Variants in ATG2A observed in about 807,000 individuals in gnomAD.
ATG2A encodes autophagy related 2A, also known as autophagy-related protein 2 homolog A.
ATG2A carries 103 observed loss-of-function variants against 214.2 expected under a neutral mutation model. That is an observed-to-expected ratio of 0.48 (90% CI 0.41 to 0.57). The LOEUF (loss-of-function observed/expected upper bound fraction) is 0.57. ATG2A is among the 20% of genes least tolerant of loss of function. The pLI is 0.00. For synonymous variants in ATG2A, 1,160 were observed against 1,142.1 expected (o/e 1.02, Z -0.32); for missense variants, 2,312 against 2,613.2 (o/e 0.88, Z 2.51).
rs1460134566 is a variant in ATG2A, at chr11:64,911,986, T to C, written c.1088-4A>G. 2 of 1,613,608 alleles carry C rather than the reference T, an allele frequency of 1.2e-6. No individual in the cohort carries two copies. Among genetic ancestry groups the C allele is most frequent in the Non-Finnish European group, 1.7e-6 (2 of 1,179,834 alleles). On this transcript the variant is annotated splice_region_variant and splice_polypyrimidine_tract_variant and intron_variant, in intron 8 of 40. Transcript: ENST00000377264. ...CCAGCCATGGAGAAGAAGAGGTCTGTGGGTGAAGTGAGGAGTGTCAGGGAC... is the reference window on the plus strand; with the variant it reads ...CCAGCCATGGAGAAGAAGAGGTCTGCGGGTGAAGTGAGGAGTGTCAGGGAC...
At chr11:64,906,988 T>A (rs777589819) in intron 19 of ATG2A, among the ~76,000 whole-genome samples, 173 bp from the exon 20 acceptor site, 5 of 152,148 alleles carry the variant, frequency 3.3e-5, no homozygotes, top group Non-Finnish European at 7.3e-5. Context: ...AGAAAAATAA[T>A]CTCTGCCGGG....
chr11:64,902,486 G>A, intron 27 of ATG2A, 30 bp downstream of exon 27: 1 of 1,537,274 alleles, frequency 6.5e-7, no homozygotes, highest in Non-Finnish European at 8.8e-7. Context: ...CCGAGCTCTG[G>A]TAGCCTGTGT....
chr11:64,905,610 G>A lies in ATG2A; in HGVS notation c.3417C>T (p.Phe1139=). ...PVRVLITAET[F]TLSSNIIMDT... ...CCATGATGATGTTGCTGGAGAGAGTGAAGGTCTCCGCGGTGATGAGGACAC... is the reference window on the plus strand; with the variant it reads ...CCATGATGATGTTGCTGGAGAGAGTAAAGGTCTCCGCGGTGATGAGGACAC... Residue 1139 remains phenylalanine (F), a synonymous_variant, in exon 24 of 41, where the codon TTC becomes TTT. Coordinates refer to ENST00000377264, the MANE Select transcript of ATG2A (RefSeq NM_015104.3). 1 of 1,613,716 alleles carries A rather than the reference G, an allele frequency of 6.2e-7. No individual in the cohort carries two copies. Among genetic ancestry groups the A allele is most frequent in the Non-Finnish European group, 8.5e-7 (1 of 1,179,872 alleles).
rs1438804909 is a variant in ATG2A at position 64,907,608 on chromosome 11, G to A, written c.2564C>T (p.Pro855Leu). Residue 855 changes from proline to leucine, a missense_variant, in exon 18 of 41, where the codon CCC becomes CTC. By Grantham distance (98) the Pro-to-Leu change is moderately conservative. Transcript: ENST00000377264. ...GGGGAAGCCCGAGGGCTGGGCGGCG[G>A]GGTCGGGGGTGGGAAGCAGATCTGC... ...EPADLLPTPD[P>L]AAQPSGFPGP... 8 of 1,595,600 alleles carry A rather than the reference G, an allele frequency of 5.0e-6. No individual in the cohort carries two copies. The highest frequency in any genetic ancestry group is 6.0e-6 in the Non-Finnish European group (7 of 1,170,438).
rs1466222171 is a variant in ATG2A, at chr11:64,905,734, C to T, written c.3371+8G>A. On this transcript the variant is annotated splice_region_variant and intron_variant, in intron 23 of 40. Transcript: ENST00000377264. ...CGTCCCCAGCCCCTGGCCCACCCAG[C>T]CTGGTACCTATAGTCCACAGAGCAG... is the stretch of plus-strand genomic sequence containing the variant. The T allele has an allele frequency of 6.2e-7, 1 of 1,613,942 alleles. No homozygotes were observed. Among genetic ancestry groups the T allele is most frequent in the South Asian group, 1.1e-5 (1 of 91,086 alleles).
intron 29 of ATG2A, 123 bp from the exon 30 acceptor site, chr11:64,901,215 G>T: frequency 1.0e-6 from 1 of 1,004,382 alleles, no homozygotes; most frequent in Non-Finnish European, 1.4e-6. Context: ...GTCGGGTCAT[G>T]TTCGGTCACC....
At chr11:64,912,578 C>T (rs184744334) in intron 6 of ATG2A, 155 bp from the exon 7 acceptor site, 3 of 614,810 alleles carry the variant, frequency 4.9e-6, no homozygotes, top group Non-Finnish European at 8.3e-6. Flanking sequence ...ACAACTTGAC[C>T]TCTCAGCCTC....
chr11:64,906,106 C>G lies in ATG2A; in HGVS notation c.3264+7G>C. On this transcript the variant is annotated splice_region_variant and intron_variant, in intron 22 of 40. Transcript: ENST00000377264. ...GGGCCATGTGGCTTCCCACCACCCACGCTCACCTGGGAATGCCAGCTCTGC... is the reference window on the plus strand; with the variant it reads ...GGGCCATGTGGCTTCCCACCACCCAGGCTCACCTGGGAATGCCAGCTCTGC... 1 of 1,568,342 alleles carries G rather than the reference C, an allele frequency of 6.4e-7. No homozygotes were observed.
intron 1 of ATG2A, among the ~76,000 whole-genome samples, chr11:64,916,222 T>C (rs923601790): frequency 1.3e-5 from 2 of 152,106 alleles, no homozygotes; most frequent in African/African-American, 4.8e-5. Flanking sequence ...AGCATCTCCC[T>C]TGGCCTCCTC....
intron 8 of ATG2A, 29 bp from the exon 9 acceptor site, chr11:64,912,011 C>T (rs1279431582): frequency 1.2e-6 from 2 of 1,613,516 alleles, no homozygotes; most frequent in Non-Finnish European, 1.7e-6. Context: ...GTGTCAGGGA[C>T]AGCCGACCCC....
intron 6 of ATG2A, 170 bp from the exon 7 acceptor site, chr11:64,912,593 T>C (rs1275673116): frequency 5.1e-6 from 3 of 593,760 alleles, no homozygotes; most frequent in Admixed American, 3.3e-5. Context: ...AGCCTCAGTT[T>C]CTTTTTTTCT....
Position 64,897,384 on chromosome 11 carries a change from G to A in ATG2A, c.5150+28C>T, listed in dbSNP as rs1565738811. On this transcript the variant is annotated intron_variant, in intron 37 of 40. Coordinates refer to ENST00000377264, the MANE Select transcript of ATG2A (RefSeq NM_015104.3). ...AACAGAAGGAAGATCAGGGACCCTG[G>A]AGAGAGGCTGGGGTGCTGGGGACTC... 3 of 1,553,460 alleles carry A rather than the reference G, an allele frequency of 1.9e-6. No individual in the cohort carries two copies. In the Admixed American group the frequency reaches 5.9e-5, roughly 30 times the overall value.
intron 1 of ATG2A, 141 bp downstream of exon 1, chr11:64,916,824 T>A (rs1945005065): frequency 1.8e-6 from 2 of 1,133,670 alleles, no homozygotes; most frequent in Non-Finnish European, 2.4e-6. Flanking sequence ...CCGGGGTGCC[T>A]CTGACGCCTG....
intron 29 of ATG2A, 49 bp from the exon 30 acceptor site, chr11:64,901,141 A>G (rs925755742): frequency 2.0e-6 from 3 of 1,519,758 alleles, no homozygotes; most frequent in South Asian, 1.2e-5. Flanking sequence ...GATCCAGCCC[A>G]GCTGCCCCCA....
At position 64,906,203 on chromosome 11, in the gene ATG2A, G is replaced by A. The variant is rs759928388; in HGVS notation, c.3184-10C>T. 3.7e-6 allele frequency: 6 copies of A among 1,611,518 alleles called. No homozygotes were observed. The East Asian group carries it at 6.7e-5, about 18-fold the overall frequency. ...GTGTCACCAGGAACTCCTGAGGGTG[G>A]GGGCGCAGTCAGGGCAGTGGGGAGG... On this transcript the variant is annotated splice_polypyrimidine_tract_variant and intron_variant, in intron 21 of 40. Coordinates refer to ENST00000377264, the MANE Select transcript of ATG2A (RefSeq NM_015104.3).
rs971000010 is a variant in ATG2A, at chr11:64,913,430, T to C, written c.591-29A>G. On this transcript the variant is annotated intron_variant, in intron 4 of 40. Transcript: ENST00000377264. This position sits in a 1 kb window ranked among gnomAD's most constrained non-coding sequence, Gnocchi z 4.3. Reference sequence around the variant, plus strand: ...GAGAGTGTAGGGTCAGCCCGTGCCCTGGCCACCCCAGGCCTGGAGCCCCTC... The same window carrying C: ...GAGAGTGTAGGGTCAGCCCGTGCCCCGGCCACCCCAGGCCTGGAGCCCCTC... The C allele has an allele frequency of 1.9e-6, 3 of 1,539,960 alleles. No individual in the cohort carries two copies. In the Admixed American group the frequency reaches 5.6e-5, roughly 29 times the overall value.
Position 64,913,134 on chromosome 11 carries a change from T to C in ATG2A, c.729A>G (p.Glu243=). Residue 243 remains glutamate, a splice_region_variant and synonymous_variant, in exon 6 of 41, where the codon GAA becomes GAG. Coordinates refer to ENST00000377264, the MANE Select transcript of ATG2A (RefSeq NM_015104.3). This position sits in a 1 kb window ranked among gnomAD's most constrained non-coding sequence, Gnocchi z 4.3. ...RLHYEELPAQ[E]EPPEPPLQIG... ...TCTGCAAGGGGGGCTCTGGAGGCTC[T>C]TCCTGGGAGACGGGAGGATACAAGA... 3.8e-6 allele frequency: 6 copies of C among 1,584,018 alleles called. No homozygotes were observed. Among genetic ancestry groups the C allele is most frequent in the Non-Finnish European group, 5.2e-6 (6 of 1,161,932 alleles).
In ATG2A at chr11:64,917,061, T is replaced by C; in HGVS notation, c.75A>G (p.Leu25=). ...RVCRYLLHHY[L]GHFFQEHLSL... ...TGAGGTGCTCTTGGAAGAAGTGACC[T>C]AAGTAGTGGTGCAGCAAGTAGCGGC... The change falls in exon 1 of 41, where the codon TTA becomes TTG. Residue 25 remains leucine, a synonymous_variant. Transcript: ENST00000377264. 3.1e-6 allele frequency: 5 copies of C among 1,613,720 alleles called. No homozygotes were observed. Among genetic ancestry groups the C allele is most frequent in the Non-Finnish European group, 4.2e-6 (5 of 1,179,988 alleles).
rs771711635 is a variant in ATG2A, at chr11:64,916,936, C to T, written c.171+29G>A. ...GGTCGCTGCGCTCCCACCCTCCGCA[C>T]CTTCCTGGACTCGGGCCTGGCTCCT... On this transcript the variant is annotated intron_variant, in intron 1 of 40. Transcript: ENST00000377264. 5 of 1,610,786 alleles carry T rather than the reference C, an allele frequency of 3.1e-6. No homozygotes were observed. The Admixed American group carries it at 5.0e-5, about 16-fold the overall frequency.
Sources: allele counts gnomAD v4.1 joint callset (sites outside exome capture counted in the v4.1 genomes callset), GRCh38; gene constraint gnomAD v4.1.1; non-coding constraint Gnocchi (gnomAD v3.1); transcripts MANE v1.5; gene names NCBI Gene and HGNC (gene_info 2026-07-23, HGNC 2026-07-21).